Variants in PPFIA2 observed in about 807,000 individuals in gnomAD.
The protein encoded by PPFIA2 is liprin-alpha-2.
Under a neutral mutation model 175.5 loss-of-function variants are expected in PPFIA2, and 46 were observed. That is an observed-to-expected ratio of 0.26 (90% CI 0.21 to 0.34). The LOEUF (loss-of-function observed/expected upper bound fraction) is 0.34, where lower values mean the gene tolerates loss of function less well. Ranked by LOEUF, PPFIA2 falls within the 10% of genes least tolerant of loss-of-function variation. PPFIA2 has a pLI of 1.00. For synonymous variants in PPFIA2, 568 were observed against 511.4 expected (o/e 1.11, Z -1.49); for missense variants, 1,179 against 1,506.1 (o/e 0.78, Z 3.60).
chr12:81,635,803 G>A (rs954448797), intron 4 of PPFIA2, among the ~76,000 whole-genome samples: 9 of 152,088 alleles, frequency 5.9e-5, no homozygotes, highest in Admixed American at 4.6e-4. Context: ...AATTTCTGCC[G>A]AAGTCACAAA....
intron 24 of PPFIA2, among the ~76,000 whole-genome samples, chr12:81,285,140 G>C (rs756830788): frequency 2.6e-5 from 4 of 151,868 alleles, no homozygotes; most frequent in Non-Finnish European, 5.9e-5. Flanking sequence ...ACTTAATAAC[G>C]TACAGTTTCG....
At chr12:81,530,205 A>T (rs990117813) in intron 4 of PPFIA2, among the ~76,000 whole-genome samples, 4 of 151,878 alleles carry the variant, frequency 2.6e-5, no homozygotes, top group Admixed American at 6.6e-5. Flanking sequence ...AGACTCTATG[A>T]CCTCCCAAAG....
At chr12:81,267,609 C>T (rs1278479237) in intron 29 of PPFIA2, among the ~76,000 whole-genome samples, 4 of 152,082 alleles carry the variant, frequency 2.6e-5, no homozygotes, top group Non-Finnish European at 5.9e-5. Context: ...GAAATGACTG[C>T]CTCTCAGAGA....
intron 4 of PPFIA2, among the ~76,000 whole-genome samples, chr12:81,653,695 T>C (rs1015387956): frequency 3.9e-5 from 6 of 152,070 alleles, no homozygotes; most frequent in African/African-American, 1.4e-4. Context: ...TCTGAGGTTC[T>C]AGGTGGATAT....
At chr12:81,368,408 C>T (rs2034156298) in intron 13 of PPFIA2, among the ~76,000 whole-genome samples, 1 of 151,704 alleles carries the variant, frequency 6.6e-6, no homozygotes, top group African/African-American at 2.4e-5. Flanking sequence ...TGTGTCTCAT[C>T]ACTTTTCTAT....
intron 3 of PPFIA2, among the ~76,000 whole-genome samples, chr12:81,750,942 C>T (rs2083680921): frequency 6.6e-6 from 1 of 151,928 alleles, no homozygotes; most frequent in Admixed American, 6.6e-5. Flanking sequence ...ATTTCTGCCC[C>T]AAAAGTCACA....
chr12:81,685,935 T>A (rs2074369512), intron 3 of PPFIA2, among the ~76,000 whole-genome samples: 1 of 152,066 alleles, frequency 6.6e-6, no homozygotes, highest in South Asian at 2.1e-4. Context: ...CTCTTAGCCA[T>A]TATTATTTCC....
intron 7 of PPFIA2, among the ~76,000 whole-genome samples, chr12:81,411,774 A>G (rs73356652): frequency 0.018 from 2,718 of 152,128 alleles, 83 homozygotes; most frequent in African/African-American, 0.062. Context: ...AATCCTTCCT[A>G]ATGGAAATTG....
chr12:81,293,852 A>G (rs2045698363), intron 24 of PPFIA2, among the ~76,000 whole-genome samples: 1 of 152,162 alleles, frequency 6.6e-6, no homozygotes, highest in Admixed American at 6.6e-5. Flanking sequence ...TGTCTTTATC[A>G]CAACATTAAT....
intron 4 of PPFIA2, among the ~76,000 whole-genome samples, chr12:81,557,352 A>G (rs944850271): frequency 2.0e-5 from 3 of 151,932 alleles, no homozygotes; most frequent in Non-Finnish European, 4.4e-5. Flanking sequence ...TTTATTCATC[A>G]TGATATTCCC....
intron 3 of PPFIA2, among the ~76,000 whole-genome samples, chr12:81,697,315 T>C (rs538871855): frequency 6.6e-6 from 1 of 152,200 alleles, no homozygotes; most frequent in South Asian, 2.1e-4. Flanking sequence ...AGAAATTACA[T>C]AAATTATGAT....
rs1450550126 is a variant in PPFIA2 at position 81,758,436 on chromosome 12, T to A, written c.-39A>T. On this transcript the variant is annotated 5_prime_UTR_variant, in exon 2 of 33. Coordinates refer to ENST00000549396, the MANE Select transcript of PPFIA2 (RefSeq NM_003625.5). ...GATTTCGGGTCCTTGCTTCTTCAAT[T>A]GATCAATGACAACCGCAGTCTCCGG... The A allele has an allele frequency of 2.2e-6, 1 of 456,556 alleles. No individual in the cohort carries two copies. Among genetic ancestry groups the A allele is most frequent in the Admixed American group, 2.3e-5 (1 of 42,570 alleles). The allele number at this position is 456,556 out of a possible 1,614,324, so 28.3% of individuals were successfully genotyped here.
chr12:81,723,039 C>CTA (rs2079555678), intron 3 of PPFIA2, among the ~76,000 whole-genome samples: 1 of 151,008 alleles, frequency 6.6e-6, no homozygotes, highest in Non-Finnish European at 1.5e-5. Context: ...ATTTAACCTC[C>CTA]TATGATCTGC....
At chr12:81,282,226 T>C (rs896930264) in intron 26 of PPFIA2, among the ~76,000 whole-genome samples, 11 of 152,060 alleles carry the variant, frequency 7.2e-5, no homozygotes, top group African/African-American at 2.4e-4. Flanking sequence ...AGAATTCCCA[T>C]TTAGTTCCTT....
intron 4 of PPFIA2, among the ~76,000 whole-genome samples, chr12:81,559,804 G>A (rs1174222404): frequency 6.9e-6 from 1 of 145,334 alleles, no homozygotes; most frequent in African/African-American, 2.5e-5. Flanking sequence ...ATGCTTAGTT[G>A]TTTTTTTTTT....
At chr12:81,631,353 A>G (rs1333073176) in intron 4 of PPFIA2, among the ~76,000 whole-genome samples, 1 of 152,188 alleles carries the variant, frequency 6.6e-6, no homozygotes, top group Non-Finnish European at 1.5e-5. Context: ...ATGAAAAAAA[A>G]TACTGCTCAA....
intron 4 of PPFIA2, among the ~76,000 whole-genome samples, chr12:81,623,951 A>G (rs2062373604): frequency 6.6e-6 from 1 of 151,932 alleles, no homozygotes; most frequent in Admixed American, 6.6e-5. Context: ...AATTATGCCA[A>G]CAATCCTTTA....
chr12:81,536,655 TGA>T (rs1315774529), intron 4 of PPFIA2, among the ~76,000 whole-genome samples: 3 of 148,534 alleles, frequency 2.0e-5, no homozygotes, highest in African/African-American at 4.9e-5. Context: ...ATATATTTAT[TGA>T]GTTTATTGCA....
At chr12:81,494,287 A>G (rs916699813) in intron 4 of PPFIA2, among the ~76,000 whole-genome samples, 6 of 152,158 alleles carry the variant, frequency 3.9e-5, no homozygotes, top group South Asian at 2.1e-4. Flanking sequence ...GGCAAAGGAC[A>G]TGAACAGACA....
Sources: gnomAD v4.1 joint callset for allele counts (sites outside exome capture counted in the v4.1 genomes callset) on GRCh38, gnomAD v4.1.1 for gene constraint, MANE v1.5 for transcripts, NCBI Gene and HGNC (gene_info 2026-07-23, HGNC 2026-07-21) for gene names.